Variants in ANKS1B observed in about 807,000 individuals in gnomAD.
ANKS1B encodes the protein ankyrin repeat and sterile alpha motif domain-containing protein 1B.
In ANKS1B, 36 loss-of-function variants were observed where a neutral mutation model predicts 148.3. The observed-to-expected ratio is 0.24, with a 90% CI of 0.19 to 0.32. ANKS1B has a LOEUF of 0.32. Among genes scored for constraint, ANKS1B ranks in the 10% least tolerant of loss-of-function variants. The pLI is 1.00. For synonymous variants in ANKS1B, 542 were observed against 560.8 expected (o/e 0.97, Z 0.47); for missense variants, 1,157 against 1,542.6 (o/e 0.75, Z 4.19).
At chr12:99,788,238 AAGGAG>A (rs1423412854) in intron 4 of ANKS1B, among the ~76,000 whole-genome samples, 1 of 152,160 alleles carries the variant, frequency 6.6e-6, no homozygotes, top group Non-Finnish European at 1.5e-5. Context: ...CCTTCTATTT[AAGGAG>A]AGGAGAGTGA....
At chr12:98,830,331 C>T (rs1439621941) in intron 18 of ANKS1B, among the ~76,000 whole-genome samples, 1 of 151,978 alleles carries the variant, frequency 6.6e-6, no homozygotes, top group Non-Finnish European at 1.5e-5. Flanking sequence ...ACTCCCAAAA[C>T]TCTCAAGTAG....
intron 1 of ANKS1B, among the ~76,000 whole-genome samples, chr12:99,934,667 A>G (rs2153811072): frequency 6.6e-6 from 1 of 152,224 alleles, no homozygotes; most frequent in East Asian, 1.9e-4. Context: ...TAGTCTGGCT[A>G]AAGGTTTCCC....
At chr12:98,748,828 A>T (rs2097980000) in intron 26 of ANKS1B, among the ~76,000 whole-genome samples, 1 of 152,190 alleles carries the variant, frequency 6.6e-6, no homozygotes. Flanking sequence ...CTTCTGGAAG[A>T]AGCCTGTGGG....
chr12:99,638,946 C>T (rs1298319132), intron 9 of ANKS1B, among the ~76,000 whole-genome samples: 2 of 152,090 alleles, frequency 1.3e-5, no homozygotes, highest in Non-Finnish European at 2.9e-5. Context: ...TGGTGGCTTC[C>T]ATGTGGTGTT....
intron 19 of ANKS1B, among the ~76,000 whole-genome samples, chr12:98,827,917 G>A (rs555777212): frequency 2.6e-5 from 4 of 152,170 alleles, no homozygotes; most frequent in East Asian, 1.9e-4. Context: ...TATGTGACTC[G>A]AAAATATAAC....
intron 10 of ANKS1B, among the ~76,000 whole-genome samples, chr12:99,464,835 C>T (rs1246482015): frequency 7.2e-5 from 11 of 152,178 alleles, no homozygotes; most frequent in South Asian, 4.2e-4. Context: ...CTGAAAGTGA[C>T]GGGGAGAATG....
chr12:98,997,467 T>A lies in ANKS1B; in HGVS notation c.2778+55690A>T, dbSNP rs540481544. On this transcript the variant is annotated intron_variant, in intron 17 of 26. Coordinates refer to ENST00000683438, the MANE Select transcript of ANKS1B (RefSeq NM_001352186.2). ...ACCAGGCTGGAGTGCAGTGGCGTGA[T>A]CTTGGCTCACTGCACTCTCTGCCTC... Among the ~76,000 whole-genome samples the A allele has an allele frequency of 1.4e-4, 21 of 151,692 alleles. No homozygotes were observed. In the South Asian group the frequency reaches 4.4e-3, roughly 32 times the overall value.
chr12:99,382,445 G>A (rs539213480), intron 12 of ANKS1B, among the ~76,000 whole-genome samples: 2 of 152,232 alleles, frequency 1.3e-5, no homozygotes, highest in East Asian at 3.9e-4. Context: ...GCTCACACGT[G>A]TAATCCCAGC....
chr12:99,288,885 T>C (rs1373534160), intron 12 of ANKS1B, among the ~76,000 whole-genome samples: 4 of 151,930 alleles, frequency 2.6e-5, no homozygotes, highest in Non-Finnish European at 5.9e-5. Context: ...AATAACAAAA[T>C]GGTGGTAGTA....
intron 16 of ANKS1B, among the ~76,000 whole-genome samples, chr12:99,076,281 C>T (rs140379853): frequency 6.6e-6 from 1 of 151,782 alleles, no homozygotes; most frequent in East Asian, 1.9e-4. Flanking sequence ...GCTATGCAGG[C>T]AAATGAAGGC....
intron 15 of ANKS1B, among the ~76,000 whole-genome samples, chr12:99,106,030 C>G (rs180995775): frequency 1.3e-5 from 2 of 152,236 alleles, no homozygotes; most frequent in Non-Finnish European, 2.9e-5. Context: ...AAATACATAT[C>G]CCTTAGACAG....
chr12:99,410,669 A>C (rs1222912733), intron 11 of ANKS1B, among the ~76,000 whole-genome samples: 3 of 152,122 alleles, frequency 2.0e-5, no homozygotes, highest in African/African-American at 4.8e-5. Context: ...ACTCCATCTC[A>C]AACAAACAAA....
intron 11 of ANKS1B, among the ~76,000 whole-genome samples, chr12:99,428,438 A>G (rs1345337739): frequency 1.3e-5 from 2 of 152,236 alleles, no homozygotes; most frequent in Admixed American, 1.3e-4. Flanking sequence ...AGGACCTGAT[A>G]TAATAACAAA....
intron 17 of ANKS1B, among the ~76,000 whole-genome samples, chr12:98,859,058 G>A (rs769685033): frequency 1.1e-4 from 17 of 152,206 alleles, no homozygotes; most frequent in Non-Finnish European, 2.2e-4. Flanking sequence ...AACGCTGTGT[G>A]TAGTTTGTTG....
intron 10 of ANKS1B, among the ~76,000 whole-genome samples, chr12:99,451,922 G>A (rs548940012): frequency 1.3e-5 from 2 of 152,190 alleles, no homozygotes; most frequent in East Asian, 3.9e-4. Context: ...AACTAGATAG[G>A]TGGCTTGATG....
chr12:99,943,959 C>T (rs2094987028), intron 1 of ANKS1B, among the ~76,000 whole-genome samples: 1 of 152,024 alleles, frequency 6.6e-6, no homozygotes, highest in Non-Finnish European at 1.5e-5. Context: ...CCCCTAGCCC[C>T]CACCCCGCGA....
intron 11 of ANKS1B, among the ~76,000 whole-genome samples, chr12:99,441,797 T>C (rs2095554442): frequency 6.6e-6 from 1 of 151,936 alleles, no homozygotes; most frequent in African/African-American, 2.4e-5. Flanking sequence ...TTTCTGGCTT[T>C]AATTCTACCT....
chr12:99,655,358 CTG>C, intron 8 of ANKS1B, 148 bp from the exon 9 acceptor site: 1 of 615,760 alleles, frequency 1.6e-6, no homozygotes, highest in East Asian at 2.9e-5. Flanking sequence ...TGCCCTGTGC[CTG>C]AGATAAAAAT....
At chr12:99,283,073 A>G (rs968169235) in intron 12 of ANKS1B, among the ~76,000 whole-genome samples, 1 of 152,196 alleles carries the variant, frequency 6.6e-6, no homozygotes, top group Admixed American at 6.6e-5. Context: ...ATGTCAGAAG[A>G]GATGTTTAGA....
Sources: gnomAD v4.1 joint callset for allele counts (sites outside exome capture counted in the v4.1 genomes callset) on GRCh38, gnomAD v4.1.1 for gene constraint, MANE v1.5 for transcripts, NCBI Gene and HGNC (gene_info 2026-07-23, HGNC 2026-07-21) for gene names.